The following NUAK1 variants were observed in gnomAD, a reference collection of about 807,000 sequenced individuals.
NUAK1 encodes NUAK family kinase 1, also known as NUAK family SNF1-like kinase 1.
NUAK1 carries 26 observed loss-of-function variants against 56.9 expected under a neutral mutation model. The observed-to-expected ratio is 0.46, with a 90% CI of 0.33 to 0.63. NUAK1 has a LOEUF of 0.63. Among genes scored for constraint, NUAK1 ranks in the 30% least tolerant of loss-of-function variants. NUAK1 has a pLI of 0.02. For missense variants in NUAK1, 727 were observed against 876.1 expected (o/e 0.83, Z 2.15); for synonymous variants, 337 against 336.0 (o/e 1.00, Z -0.03).
chr12:106,112,103 A>G (rs920503136), intron 1 of NUAK1, among the ~76,000 whole-genome samples: 1 of 151,788 alleles, frequency 6.6e-6, no homozygotes, highest in Non-Finnish European at 1.5e-5. Flanking sequence ...TGAGGTCCCA[A>G]AAGGAGGGAC....
At chr12:106,085,458 C>T (rs75624871) in intron 3 of NUAK1, among the ~76,000 whole-genome samples, 3,163 of 152,276 alleles carry the variant, frequency 0.021, 107 homozygotes, top group African/African-American at 0.073. Flanking sequence ...AACCAGGAGG[C>T]CCCATGTTGA....
rs185901661 is a variant in NUAK1, at chr12:106,120,355, C to T, written c.241-13830G>A. Reference sequence around the variant, plus strand: ...ATGTGAGACGGCATAGAGAAAATGCCCAATATTGTGCCCAACATCCAGTAT... The same window carrying T: ...ATGTGAGACGGCATAGAGAAAATGCTCAATATTGTGCCCAACATCCAGTAT... On this transcript the variant is annotated intron_variant, in intron 1 of 6. Transcript: ENST00000261402. Among the ~76,000 whole-genome samples, 26 of 152,232 alleles carry T rather than the reference C, an allele frequency of 1.7e-4. No homozygotes were observed. In the East Asian group the frequency reaches 4.4e-3, roughly 26 times the overall value.
At chr12:106,117,419 A>G (rs899279384) in intron 1 of NUAK1, among the ~76,000 whole-genome samples, 7 of 152,240 alleles carry the variant, frequency 4.6e-5, no homozygotes, top group African/African-American at 1.7e-4. Context: ...ACCGAGTCTC[A>G]CTTTGCTCAG....
rs530714111 is a variant in NUAK1 at position 106,065,526 on chromosome 12, A to C, written c.*1276T>G. 3 of 138,884 alleles carry C rather than the reference A, an allele frequency of 2.2e-5. No individual in the cohort carries two copies. Among genetic ancestry groups the C allele is most frequent in the African/African-American group, 9.9e-5 (3 of 30,436 alleles). The allele number at this position is 138,884 out of a possible 1,614,324, so 8.6% of individuals were successfully genotyped here. A position where few individuals can be genotyped will look rare whatever the true frequency, so the allele number is the denominator to read the frequency against. The stretch of plus-strand genomic sequence containing the variant: ...GGCAAAGTTTAAAACCATGACATAG[A>C]ATACTTAGATTTGGGGGAAAAAAAG... On this transcript the variant is annotated 3_prime_UTR_variant, in exon 7 of 7. Coordinates refer to ENST00000261402, the MANE Select transcript of NUAK1 (RefSeq NM_014840.3).
At chr12:106,101,021 T>C (rs1592855576) in intron 2 of NUAK1, among the ~76,000 whole-genome samples, 1 of 152,238 alleles carries the variant, frequency 6.6e-6, no homozygotes, top group Non-Finnish European at 1.5e-5. Context: ...AGGCTCTTGA[T>C]TGGCCTGTCG....
intron 2 of NUAK1, among the ~76,000 whole-genome samples, chr12:106,101,338 GAGCTGAACTGCATCCCCGCAAAAA>G (rs2032745277): frequency 6.6e-6 from 1 of 152,234 alleles, no homozygotes; most frequent in Admixed American, 6.5e-5. Flanking sequence ...CCAGTGTGAT[GAGCTGAACTGCATCCCCGCAAAAA>G]CTCAGGCGTT....
chr12:106,123,908 G>C (rs1320327374), intron 1 of NUAK1, among the ~76,000 whole-genome samples: 1 of 152,178 alleles, frequency 6.6e-6, no homozygotes, highest in Admixed American at 6.5e-5. Flanking sequence ...TGCTTCAAGC[G>C]TAAGTACGAG....
At chr12:106,115,707 C>T (rs1223454260) in intron 1 of NUAK1, among the ~76,000 whole-genome samples, 2 of 152,238 alleles carry the variant, frequency 1.3e-5, no homozygotes, top group African/African-American at 2.4e-5. Context: ...AAATGCACAG[C>T]CCCAAGAAAC....
At chr12:106,101,031 G>A (rs1314096158) in intron 2 of NUAK1, among the ~76,000 whole-genome samples, 1 of 152,226 alleles carries the variant, frequency 6.6e-6, no homozygotes, top group South Asian at 2.1e-4. Context: ...TTGGCCTGTC[G>A]ACCAACCGGC....
chr12:106,091,303 C>A (rs529158829), intron 2 of NUAK1, among the ~76,000 whole-genome samples: 37 of 152,326 alleles, frequency 2.4e-4, no homozygotes, highest in African/African-American at 7.7e-4. Flanking sequence ...CTTGACATGC[C>A]AGGCCTACCA....
In NUAK1 at chr12:106,114,368, G is replaced by A. The variant is rs190586348; in HGVS notation, c.241-7843C>T. Among the ~76,000 whole-genome samples the A allele has an allele frequency of 3.0e-3, 450 of 152,284 alleles. 4 individuals are homozygous for A. Among genetic ancestry groups the A allele is most frequent in the African/African-American group, 0.01 (423 of 41,550 alleles). On this transcript the variant is annotated intron_variant, in intron 1 of 6. Coordinates refer to ENST00000261402, the MANE Select transcript of NUAK1 (RefSeq NM_014840.3). Reference sequence around the variant, plus strand: ...GCGACTCCTATAAGGAGAGGGACTCGGATAATCACGCCACCGGCTCAGTTT... The same window carrying A: ...GCGACTCCTATAAGGAGAGGGACTCAGATAATCACGCCACCGGCTCAGTTT...
At chr12:106,083,740 C>A (rs956988779) in intron 4 of NUAK1, 124 bp downstream of exon 4, 1 of 771,790 alleles carries the variant, frequency 1.3e-6, no homozygotes, top group African/African-American at 1.7e-5. Flanking sequence ...GAGACTCTTC[C>A]CCACCAGCCT....
chr12:106,070,860 C>T lies in NUAK1; in HGVS notation c.746G>A (p.Gly249Glu), dbSNP rs1344362979. ...ATCGAAACCATCGAAGGGCATTGTT[C>T]CATAAACAAGAGTGTAAAGCAACAC... is the stretch of plus-strand genomic sequence containing the variant. ...LGVLLYTLVY[G>E]TMPFDGFDHK... Residue 249 changes from glycine to glutamate, a missense_variant, in exon 6 of 7, where the codon GGA becomes GAA. By Grantham distance (98) the Gly-to-Glu change is moderately conservative (BLOSUM62 -2). Coordinates refer to ENST00000261402, the MANE Select transcript of NUAK1 (RefSeq NM_014840.3). 6.2e-7 allele frequency: 1 copy of T among 1,614,024 alleles called. No individual in the cohort carries two copies. Among genetic ancestry groups the T allele is most frequent in the Admixed American group, 1.7e-5 (1 of 59,998 alleles).
intron 1 of NUAK1, among the ~76,000 whole-genome samples, chr12:106,137,252 C>A (rs943824650): frequency 5.9e-5 from 9 of 152,126 alleles, no homozygotes; most frequent in African/African-American, 2.2e-4. Context: ...CATGTCAATA[C>A]TAAGCTGCTA....
intron 2 of NUAK1, among the ~76,000 whole-genome samples, chr12:106,089,320 A>C (rs34858751): frequency 6.6e-6 from 1 of 152,226 alleles, no homozygotes; most frequent in Admixed American, 6.5e-5. Context: ...GGGAGGTGTG[A>C]GCCACTTGCC....
At chr12:106,086,546 G>A (rs560731872) in intron 3 of NUAK1, among the ~76,000 whole-genome samples, 188 bp downstream of exon 3, 1 of 152,284 alleles carries the variant, frequency 6.6e-6, no homozygotes, top group East Asian at 1.9e-4. Flanking sequence ...AAGGAAACAA[G>A]CAAAAATGTC....
At chr12:106,101,510 C>T (rs1340368575) in intron 2 of NUAK1, among the ~76,000 whole-genome samples, 1 of 152,158 alleles carries the variant, frequency 6.6e-6, no homozygotes, top group Non-Finnish European at 1.5e-5. Flanking sequence ...GAAATTTGGA[C>T]ACAGACACAT....
chr12:106,128,184 T>C (rs1592863903), intron 1 of NUAK1, among the ~76,000 whole-genome samples: 2 of 148,430 alleles, frequency 1.3e-5, no homozygotes, highest in Admixed American at 1.4e-4. Context: ...TAGGCTGGAG[T>C]GCAATTGTGC....
chr12:106,098,915 C>A (rs2032721830), intron 2 of NUAK1, among the ~76,000 whole-genome samples: 1 of 152,012 alleles, frequency 6.6e-6, no homozygotes, highest in Non-Finnish European at 1.5e-5. Context: ...ACTTCCTTTT[C>A]AGCTTTTTTT....
Sources: gnomAD v4.1 joint callset for allele counts (sites outside exome capture counted in the v4.1 genomes callset) on GRCh38, gnomAD v4.1.1 for gene constraint, MANE v1.5 for transcripts, NCBI Gene and HGNC (gene_info 2026-07-23, HGNC 2026-07-21) for gene names.